AIMP1: variants seen among roughly 807,000 people sequenced by gnomAD.
The protein encoded by AIMP1 is aminoacyl tRNA synthetase complex interacting multifunctional protein 1, also known as aminoacyl tRNA synthase complex-interacting multifunctional protein 1.
In AIMP1, 24 loss-of-function variants were observed where a neutral mutation model predicts 33.1. That is an observed-to-expected ratio of 0.73 (90% confidence interval 0.53 to 1.02). AIMP1 has a LOEUF of 1.02. Ranked by LOEUF, AIMP1 falls within the 50% of genes least tolerant of loss-of-function variation. The probability of loss-of-function intolerance (pLI) is 0.00; values close to 1 mark genes in which losing one functional copy is unlikely to be tolerated. For missense variants in AIMP1, 367 were observed against 364.8 expected (o/e 1.01, Z -0.05); for synonymous variants, 120 against 121.5 (o/e 0.99, Z 0.08).
intron 5 of AIMP1, among the ~76,000 whole-genome samples, chr4:106,335,695 C>A (rs1449955567): frequency 6.6e-6 from 1 of 151,998 alleles, no homozygotes; most frequent in Non-Finnish European, 1.5e-5. Flanking sequence ...TTTATGAAGA[C>A]CCCCTAATTC....
chr4:106,316,406 GT>G, upstream of AIMP1: 1 of 761,242 alleles, frequency 1.3e-6, no homozygotes, highest in South Asian at 1.6e-5. Context: ...GACGAGGAGC[GT>G]GGTATGGCAG....
intron 1 of AIMP1, 130 bp from the exon 2 acceptor site, chr4:106,324,855 A>T: frequency 1.4e-6 from 1 of 711,194 alleles, no homozygotes; most frequent in Non-Finnish European, 2.1e-6. Flanking sequence ...CCATAGGAAA[A>T]CTATTTTTCT....
chr4:106,334,497 T>A (rs1337709404), intron 5 of AIMP1, among the ~76,000 whole-genome samples: 1 of 152,022 alleles, frequency 6.6e-6, no homozygotes, highest in Non-Finnish European at 1.5e-5. Context: ...ACTCCTGACC[T>A]CAGGTGATCC....
rs191804798 is a variant in AIMP1 at position 106,330,002 on chromosome 4, C to T, written c.392-1670C>T. ...TTCACCATATTGGTCAGGCTGGTCT[C>T]GAACTCCTGATCTCAGGTGATCCAC... On this transcript the variant is annotated intron_variant, in intron 4 of 6. Coordinates refer to ENST00000672341, the MANE Select transcript of AIMP1 (RefSeq NM_001142416.2). Among the ~76,000 whole-genome samples the T allele has an allele frequency of 2.6e-5, 4 of 151,990 alleles. No individual in the cohort carries two copies. In the South Asian group the frequency reaches 6.2e-4, roughly 24 times the overall value.
intron 4 of AIMP1, among the ~76,000 whole-genome samples, chr4:106,329,042 C>CTTTTTTTTTTTTTTTTTTTTT (rs33975641): frequency 1.5e-5 from 2 of 136,836 alleles, no homozygotes; most frequent in Non-Finnish European, 1.6e-5. Flanking sequence ...AACTTATTTA[C>CTTTTTTTTTTTTTTTTTTTTT]TTTTTTTTTT....
chr4:106,332,309 C>T (rs1402518008), intron 5 of AIMP1, among the ~76,000 whole-genome samples: 2 of 151,712 alleles, frequency 1.3e-5, no homozygotes, highest in Non-Finnish European at 2.9e-5. Context: ...CTCATTTTTC[C>T]TCAAGTATGA....
chr4:106,328,038 G>A (rs758816037), intron 3 of AIMP1, 38 bp from the exon 4 acceptor site: 2 of 1,604,830 alleles, frequency 1.2e-6, no homozygotes, highest in Non-Finnish European at 1.7e-6. Context: ...ATATTTATTG[G>A]TTTAATATGA....
intron 4 of AIMP1, 53 bp downstream of exon 4, chr4:106,328,296 T>C: frequency 6.5e-7 from 1 of 1,535,290 alleles, no homozygotes; most frequent in Non-Finnish European, 8.8e-7. Context: ...TCAGAAAATG[T>C]CAAGTTTTGA....
intron 6 of AIMP1, among the ~76,000 whole-genome samples, chr4:106,343,827 T>C (rs1219741074): frequency 6.6e-6 from 1 of 152,222 alleles, no homozygotes; most frequent in African/African-American, 2.4e-5. Flanking sequence ...AGTCAGACTT[T>C]TAATTTCCAA....
chr4:106,327,636 G>A, intron 3 of AIMP1, 72 bp downstream of exon 3: 2 of 1,130,148 alleles, frequency 1.8e-6, no homozygotes, highest in East Asian at 2.5e-5. Context: ...AGTGAGGAAA[G>A]AAGTAAGAAT....
intron 1 of AIMP1, among the ~76,000 whole-genome samples, chr4:106,319,359 T>C (rs138669547): frequency 4.6e-5 from 7 of 152,144 alleles, no homozygotes; most frequent in Non-Finnish European, 8.8e-5. Context: ...TCAAAAATCA[T>C]CTTTTGTGTG....
At chr4:106,332,682 CATT>C (rs528244800) in intron 5 of AIMP1, among the ~76,000 whole-genome samples, 203 of 142,568 alleles carry the variant, frequency 1.4e-3, no homozygotes, top group African/African-American at 4.7e-3. Flanking sequence ...GATATATACT[CATT>C]ATACATCTGT....
rs771935212 is a variant in AIMP1, at chr4:106,328,155, A to G, written c.303A>G (p.Ala101=). Residue 101 remains alanine, a synonymous_variant, in exon 4 of 7, where the codon GCA becomes GCG. Transcript: ENST00000672341. ...MVSENVIQST[A]VTTVSSGTKE... ...CTGAAAATGTGATACAGTCTACAGC[A>G]GTAACAACCGTATCTTCTGGTACCA... The G allele has an allele frequency of 1.9e-6, 3 of 1,613,492 alleles. No homozygotes were observed. Among genetic ancestry groups the G allele is most frequent in the African/African-American group, 1.3e-5 (1 of 74,896 alleles).
At chr4:106,332,628 T>C (rs1769724381) in intron 5 of AIMP1, among the ~76,000 whole-genome samples, 1 of 148,640 alleles carries the variant, frequency 6.7e-6, no homozygotes, top group African/African-American at 2.4e-5. Context: ...TATATATATA[T>C]ATACATATAT....
At chr4:106,320,876 T>A (rs568968792) in intron 1 of AIMP1, among the ~76,000 whole-genome samples, 3 of 152,222 alleles carry the variant, frequency 2.0e-5, no homozygotes, top group Non-Finnish European at 4.4e-5. Context: ...TCTGCCGAGT[T>A]CCTGGGATTG....
At chr4:106,323,865 G>T (rs1348984927) in intron 1 of AIMP1, among the ~76,000 whole-genome samples, 1 of 152,006 alleles carries the variant, frequency 6.6e-6, no homozygotes, top group Non-Finnish European at 1.5e-5. Context: ...ATTTTGAAAA[G>T]ATATGGCTCA....
At chr4:106,341,620 T>A (rs1770102124) in intron 6 of AIMP1, among the ~76,000 whole-genome samples, 1 of 152,082 alleles carries the variant, frequency 6.6e-6, no homozygotes, top group African/African-American at 2.4e-5. Flanking sequence ...TTTATTTCTA[T>A]GTCCTTTATC....
chr4:106,327,643 G>T, intron 3 of AIMP1, 79 bp downstream of exon 3: 2 of 1,065,358 alleles, frequency 1.9e-6, no homozygotes, highest in South Asian at 1.4e-5. Context: ...AAAGAAGTAA[G>T]AATCTGTATC....
At position 106,316,593 on chromosome 4, in the gene AIMP1, A is replaced by C. The variant is rs1026458500; in HGVS notation, c.-27A>C. 9 of 1,551,320 alleles carry C rather than the reference A, an allele frequency of 5.8e-6. No individual in the cohort carries two copies. Among genetic ancestry groups the C allele is most frequent in the Middle Eastern group, 1.7e-4 (1 of 5,990 alleles). On this transcript the variant is annotated splice_region_variant and 5_prime_UTR_variant, in exon 1 of 7. The change abolishes an upstream ATG in the 5' untranslated region. Coordinates refer to ENST00000672341, the MANE Select transcript of AIMP1 (RefSeq NM_001142416.2). ...CTCGGAACCCGTGGTCCTCCGCTTC[A>C]TGTGAGTGACGTCGTGGCGGGTCAC...
Sources: gnomAD v4.1 joint callset for allele counts (sites outside exome capture counted in the v4.1 genomes callset) on GRCh38, gnomAD v4.1.1 for gene constraint, MANE v1.5 for transcripts, NCBI Gene and HGNC (gene_info 2026-07-23, HGNC 2026-07-21) for gene names.